The following AHRR variants were observed in gnomAD, a reference collection of about 807,000 sequenced individuals.
AHRR encodes ahR repressor.
AHRR carries 28 observed loss-of-function variants against 44.0 expected under a neutral mutation model. The observed-to-expected ratio is 0.64, with a 90% CI of 0.47 to 0.87. The LOEUF is 0.87. AHRR is among the 40% of genes least tolerant of loss of function. The pLI is 0.00. For missense variants in AHRR, 990 were observed against 953.9 expected (o/e 1.04, Z -0.50); for synonymous variants, 434 against 407.0 (o/e 1.07, Z -0.80).
In AHRR at chr5:337,760, G is replaced by A. The variant is rs1742194123; in HGVS notation, c.-10-6133G>A. 6.6e-6 allele frequency among the ~76,000 whole-genome samples: 1 copy of A among 152,168 alleles called. No individual in the cohort carries two copies. Among genetic ancestry groups the A allele is most frequent in the Non-Finnish European group, 1.5e-5 (1 of 68,028 alleles). On this transcript the variant is annotated intron_variant, in intron 1 of 10. Coordinates refer to ENST00000684583, the MANE Select transcript of AHRR (RefSeq NM_001377236.1). The surrounding 1 kb of genome is among the most constrained non-coding windows in gnomAD (Gnocchi z 4.1). The stretch of plus-strand genomic sequence containing the variant: ...CTTGGAAGGGGGCTCCCTTCCCAAA[G>A]CTGGGGCTCGGGCCTCATTGGAGGA...
intron 5 of AHRR, among the ~76,000 whole-genome samples, chr5:413,986 C>T (rs11746862): frequency 0.24 from 35,853 of 152,214 alleles, 5,485 homozygotes; most frequent in Non-Finnish European, 0.34. Flanking sequence ...CCCACCCAGC[C>T]GGGCGCGGTG....
intron 4 of AHRR, 103 bp downstream of exon 4, chr5:376,819 C>G: frequency 1.0e-6 from 1 of 992,984 alleles, no homozygotes; most frequent in Non-Finnish European, 1.5e-6. Context: ...CAGGCCCTCA[C>G]CCAGGAGGCC....
intron 5 of AHRR, among the ~76,000 whole-genome samples, chr5:415,648 C>CTGCT (rs1560916386): frequency 8.0e-4 from 84 of 105,212 alleles, no homozygotes; most frequent in South Asian, 2.7e-3. Context: ...CCTGGTGGGG[C>CTGCT]GGGAGGCCTA....
chr5:330,353 T>C (rs1013306092), intron 1 of AHRR, among the ~76,000 whole-genome samples: 2 of 152,186 alleles, frequency 1.3e-5, no homozygotes, highest in African/African-American at 4.8e-5. Context: ...GATGGGCTGT[T>C]GGATTCAGTT....
intron 6 of AHRR, among the ~76,000 whole-genome samples, 181 bp downstream of exon 6, chr5:423,039 C>T (rs949601084): frequency 3.7e-4 from 57 of 152,292 alleles, no homozygotes; most frequent in African/African-American, 1.1e-3. Flanking sequence ...TCCTCTGATT[C>T]GGCTGCCACA....
intron 3 of AHRR, among the ~76,000 whole-genome samples, chr5:373,391 G>A (rs1383749508): frequency 6.6e-6 from 1 of 152,234 alleles, no homozygotes; most frequent in African/African-American, 2.4e-5. Context: ...GTGGCTGGGA[G>A]GCAGGGGACA....
Position 422,843 on chromosome 5 carries a change from C to G in AHRR, c.556C>G (p.Pro186Ala). The change falls in exon 6 of 11, where the codon CCG becomes GCG. Residue 186 changes from proline (P) to alanine (A), a missense_variant. Pro to Ala is a conservative substitution (Grantham distance 27, BLOSUM62 -1). Transcript: ENST00000684583. The stretch of plus-strand genomic sequence containing the variant: ...TCCCCAGGTGGTGTTTGGGCAGCCC[C>G]CGCCCTTGGAGACAGGTGGGTGTCT... Reference protein sequence around the residue: ...DPPQVVFGQPPPLETGDDAIL... With the variant: ...DPPQVVFGQPAPLETGDDAIL... The G allele has an allele frequency of 6.2e-7, 1 of 1,612,458 alleles. No homozygotes were observed.
rs1354955992 is a variant in AHRR, at chr5:434,391, A to G, written c.1651A>G (p.Ser551Gly). Residue 551 changes from serine (S) to glycine (G), a missense_variant, in exon 11 of 11, where the codon AGC (serine) becomes GGC (glycine). Ser to Gly is a moderately conservative substitution (Grantham distance 56). Transcript: ENST00000684583. ...CEGAADGCVPSQVWLGASDRS... is the reference protein window; with the variant it reads ...CEGAADGCVPGQVWLGASDRS... ...GGGTGCTGCAGACGGCTGTGTGCCCAGCCAGGTGTGGCTGGGGGCCAGTGA... is the reference window on the plus strand; with the variant it reads ...GGGTGCTGCAGACGGCTGTGTGCCCGGCCAGGTGTGGCTGGGGGCCAGTGA... The G allele has an allele frequency of 6.2e-7, 1 of 1,613,604 alleles. No homozygotes were observed. The highest frequency in any genetic ancestry group is 8.5e-7 in the Non-Finnish European group (1 of 1,179,994).
intron 4 of AHRR, among the ~76,000 whole-genome samples, chr5:396,435 C>T (rs551945943): frequency 3.9e-5 from 6 of 152,304 alleles, no homozygotes; most frequent in Admixed American, 6.5e-5. Context: ...CCCTGGCATA[C>T]GCCGGCCACC....
chr5:429,031 C>T (rs1014610610), intron 8 of AHRR, among the ~76,000 whole-genome samples: 1 of 152,230 alleles, frequency 6.6e-6, no homozygotes, highest in East Asian at 1.9e-4. Context: ...AGGCCATGGA[C>T]GGGTACCAAT....
chr5:390,849 C>T (rs931711006), intron 4 of AHRR, among the ~76,000 whole-genome samples: 3 of 152,118 alleles, frequency 2.0e-5, no homozygotes, highest in Non-Finnish European at 4.4e-5. Context: ...CGGGAGGAAA[C>T]GCACAAACGC....
At chr5:397,961 A>G (rs867984750) in intron 4 of AHRR, among the ~76,000 whole-genome samples, 48 of 93,362 alleles carry the variant, frequency 5.1e-4, no homozygotes, top group African/African-American at 2.1e-3. Context: ...GCCCCTGACC[A>G]TCCACATAGC....
In AHRR at chr5:325,614, C is replaced by T. The variant is rs144181142; in HGVS notation, c.-11+3795C>T. Among the ~76,000 whole-genome samples the T allele has an allele frequency of 9.3e-3, 1,415 of 152,216 alleles. 9 individuals carry two copies. The highest frequency in any genetic ancestry group is 0.014 in the Non-Finnish European group (934 of 68,006). On this transcript the variant is annotated intron_variant, in intron 1 of 10. Coordinates refer to ENST00000684583, the MANE Select transcript of AHRR (RefSeq NM_001377236.1). ...CCTCGGGGGGAGGGCTGGACCCTTC[C>T]GAAGCATCCGTCCCACCCTCCGCAC...
chr5:420,863 G>GCCAC (rs773356895), intron 5 of AHRR: 4 of 337,218 alleles, frequency 1.2e-5, no homozygotes, highest in Non-Finnish European at 2.3e-5. Context: ...CACGCACGCA[G>GCCAC]CCACCCACCC....
Position 373,156 on chromosome 5 carries a change from G to A in AHRR, c.245-3454G>A, listed in dbSNP as rs190195347. Among the ~76,000 whole-genome samples the A allele has an allele frequency of 6.6e-5, 10 of 152,364 alleles. No homozygotes were observed. The East Asian group carries it at 1.9e-3, about 29-fold the overall frequency. The stretch of plus-strand genomic sequence containing the variant: ...TGCGCGGTTGGCAGAGTGCTGGCAG[G>A]ACACAGGGGTTGCCCAGGCTACAGA... On this transcript the variant is annotated intron_variant, in intron 3 of 10. Transcript: ENST00000684583.
At chr5:343,810 C>T (rs753534662) in intron 1 of AHRR, 83 bp from the exon 2 acceptor site, 2 of 1,440,726 alleles carry the variant, frequency 1.4e-6, no homozygotes, top group Non-Finnish European at 1.9e-6. Flanking sequence ...GCGCCAGGAC[C>T]GCGCTGAGGG....
chr5:344,504 G>C (rs1742511994), intron 2 of AHRR, among the ~76,000 whole-genome samples: 1 of 1,740 alleles, frequency 5.7e-4, no homozygotes, highest in Non-Finnish European at 1.4e-3. Context: ...GTGTGTGTGG[G>C]TGTGTGTGTG....
At chr5:407,059 G>T (rs115921703) in intron 4 of AHRR, among the ~76,000 whole-genome samples, 1 of 152,134 alleles carries the variant, frequency 6.6e-6, no homozygotes. Flanking sequence ...CTGTTCATGC[G>T]CCATGATTTA....
chr5:361,441 G>A (rs890810748), intron 3 of AHRR, among the ~76,000 whole-genome samples: 1 of 152,224 alleles, frequency 6.6e-6, no homozygotes, highest in Non-Finnish European at 1.5e-5. Flanking sequence ...TGGCTGGCAT[G>A]TTTCATCTTT....
Sources: allele counts gnomAD v4.1 joint callset (sites outside exome capture counted in the v4.1 genomes callset), GRCh38; gene constraint gnomAD v4.1.1; non-coding constraint Gnocchi (gnomAD v3.1); transcripts MANE v1.5; gene names NCBI Gene and HGNC (gene_info 2026-07-23, HGNC 2026-07-21).